The following DOCK2 variants were observed in gnomAD, a reference collection of about 807,000 sequenced individuals.
The protein encoded by DOCK2 is dedicator of cytokinesis protein 2.
Under a neutral mutation model 248.9 loss-of-function variants are expected in DOCK2, and 87 were observed. The ratio of observed to expected loss-of-function variants is 0.35; its 90% CI spans 0.29 to 0.42. The LOEUF is 0.42. DOCK2 is among the 10% of genes least tolerant of loss of function. The pLI is 1.00. For synonymous variants in DOCK2, 805 were observed against 821.6 expected (o/e 0.98, Z 0.35); for missense variants, 1,747 against 2,300.2 (o/e 0.76, Z 4.92).
intron 22 of DOCK2, among the ~76,000 whole-genome samples, chr5:169,729,816 G>T (rs1008448450): frequency 4.6e-5 from 7 of 152,146 alleles, no homozygotes; most frequent in Admixed American, 2.0e-4. Context: ...TGAGGCTCTG[G>T]AGCCACACTG....
At chr5:169,790,920 A>G (rs1421147998) in intron 25 of DOCK2, among the ~76,000 whole-genome samples, 1 of 152,146 alleles carries the variant, frequency 6.6e-6, no homozygotes, top group Admixed American at 6.5e-5. Flanking sequence ...GCCTTCCTCT[A>G]TGATTAGGTA....
chr5:169,947,076 G>A (rs540459528), intron 27 of DOCK2, among the ~76,000 whole-genome samples: 3 of 152,146 alleles, frequency 2.0e-5, no homozygotes, highest in African/African-American at 7.2e-5. Flanking sequence ...TGCAACATAC[G>A]TTTATCTTTA....
intron 36 of DOCK2, chr5:170,040,764 A>C: frequency 3.1e-6 from 1 of 320,468 alleles, no homozygotes. Flanking sequence ...TATCCAGGCA[A>C]TAGTTCTCTC....
chr5:169,705,873 G>T (rs1413579224), intron 14 of DOCK2, among the ~76,000 whole-genome samples: 1 of 152,186 alleles, frequency 6.6e-6, no homozygotes, highest in Admixed American at 6.5e-5. Flanking sequence ...AAGCCTCCAG[G>T]CTTCCTGATC....
intron 26 of DOCK2, among the ~76,000 whole-genome samples, chr5:169,835,260 G>GT (rs547978458): frequency 0.19 from 24,938 of 134,578 alleles, 4,013 homozygotes; most frequent in African/African-American, 0.42. Flanking sequence ...GAAATGCCTG[G>GT]TTTTTTTTTT....
chr5:170,022,134 T>A (rs1755750634), intron 33 of DOCK2, among the ~76,000 whole-genome samples: 1 of 152,216 alleles, frequency 6.6e-6, no homozygotes, highest in South Asian at 2.1e-4. Context: ...CTTATGCCTT[T>A]GTATGGGCTC....
At chr5:169,863,444 T>C (rs1368421110) in intron 27 of DOCK2, among the ~76,000 whole-genome samples, 8 of 152,246 alleles carry the variant, frequency 5.3e-5, no homozygotes, top group Non-Finnish European at 4.4e-5. Context: ...AAGTTAACTA[T>C]GGAGTCTTAA....
At chr5:169,770,877 G>T (rs74554740) in intron 25 of DOCK2, among the ~76,000 whole-genome samples, 1 of 152,168 alleles carries the variant, frequency 6.6e-6, no homozygotes, top group Non-Finnish European at 1.5e-5. Context: ...ATTGGGTTGT[G>T]TCAGTGTTTC....
intron 25 of DOCK2, among the ~76,000 whole-genome samples, chr5:169,775,308 G>A (rs562877015): frequency 6.6e-6 from 1 of 152,336 alleles, no homozygotes; most frequent in South Asian, 2.1e-4. Flanking sequence ...AGCTCTGGGA[G>A]GAGAGACTAT....
chr5:169,674,194 G>A (rs1759199381), intron 5 of DOCK2, 103 bp from the exon 6 acceptor site: 1 of 1,435,974 alleles, frequency 7.0e-7, no homozygotes, highest in African/African-American at 1.4e-5. Context: ...AGAGCCTCAG[G>A]CCATGGCCCT....
In DOCK2 at chr5:169,716,081, CT is replaced by C. The variant is rs1761896641; in HGVS notation, c.1942-131del. 4.8e-5 allele frequency: 38 copies of C among 794,172 alleles called. 1 individual carries two copies. The highest frequency in any genetic ancestry group is 7.5e-4 in the Middle Eastern group (2 of 2,654). 49.2% of individuals were successfully genotyped at this position (794,172 alleles called of 1,614,324 possible). A position where few individuals can be genotyped will look rare whatever the true frequency, so the allele number is the denominator to read the frequency against. On this transcript the variant is annotated intron_variant, in intron 19 of 51. Coordinates refer to ENST00000520908, the MANE Select transcript of DOCK2 (RefSeq NM_004946.3). ...TCTGGCTCTCGTGAGTAAAACTACT[CT>C]AGACGTTTTGAGCATGACATGTGGT...
intron 36 of DOCK2, 95 bp downstream of exon 36, chr5:170,036,650 A>T (rs769997774): frequency 9.2e-5 from 114 of 1,245,132 alleles, no homozygotes; most frequent in Non-Finnish European, 1.2e-4. Context: ...ATAAAATTTA[A>T]ACTTCTCTTC....
intron 27 of DOCK2, among the ~76,000 whole-genome samples, chr5:169,935,926 T>C (rs1581442101): frequency 6.6e-6 from 1 of 152,338 alleles, no homozygotes; most frequent in Admixed American, 6.5e-5. Context: ...CATCCTCAAA[T>C]GGTTACAGTT....
At chr5:169,744,355 T>C (rs1185446929) in intron 22 of DOCK2, among the ~76,000 whole-genome samples, 5 of 152,176 alleles carry the variant, frequency 3.3e-5, no homozygotes, top group Admixed American at 3.3e-4. Context: ...TCACATAATA[T>C]TTATAAGATG....
At chr5:169,948,653 C>G (rs1224022249) in intron 27 of DOCK2, among the ~76,000 whole-genome samples, 3 of 148,122 alleles carry the variant, frequency 2.0e-5, no homozygotes, top group Non-Finnish European at 4.5e-5. Context: ...TTGCTCTGTT[C>G]CCCAGGCTGG....
chr5:169,754,920 ATTATTTATTTAT>A (rs144364050), intron 23 of DOCK2, among the ~76,000 whole-genome samples: 15 of 141,348 alleles, frequency 1.1e-4, no homozygotes, highest in African/African-American at 3.9e-4. Flanking sequence ...CCTATTTTTT[ATTATTTATTTAT>A]TTATTTATTT....
At chr5:170,068,794 C>T (rs891701698) in intron 45 of DOCK2, among the ~76,000 whole-genome samples, 2 of 152,190 alleles carry the variant, frequency 1.3e-5, no homozygotes, top group Admixed American at 6.5e-5. Context: ...ACACACGGGT[C>T]CTCACCCCAC....
chr5:169,700,327 C>A (rs1429747676), intron 13 of DOCK2, among the ~76,000 whole-genome samples, 188 bp downstream of exon 13: 2 of 152,200 alleles, frequency 1.3e-5, no homozygotes, highest in Non-Finnish European at 2.9e-5. Flanking sequence ...AAAATAGACA[C>A]AAGCATGTAA....
At chr5:169,744,930 C>T (rs1763523178) in intron 22 of DOCK2, among the ~76,000 whole-genome samples, 1 of 152,148 alleles carries the variant, frequency 6.6e-6, no homozygotes, top group Admixed American at 6.5e-5. Context: ...GTACACCCTA[C>T]AGAAAGAGCC....
Sources: allele counts gnomAD v4.1 joint callset (sites outside exome capture counted in the v4.1 genomes callset), GRCh38; gene constraint gnomAD v4.1.1; transcripts MANE v1.5; gene names NCBI Gene and HGNC (gene_info 2026-07-23, HGNC 2026-07-21).